Variants in CHUK observed in about 807,000 individuals in gnomAD.
CHUK encodes the protein component of inhibitor of nuclear factor kappa B kinase complex.
In CHUK, 35 loss-of-function variants were observed where a neutral mutation model predicts 104.8. The ratio of observed to expected loss-of-function variants is 0.33; its 90% CI spans 0.26 to 0.44. CHUK has a LOEUF of 0.44. CHUK is among the 20% of genes least tolerant of loss of function. The pLI is 1.00. For synonymous variants in CHUK, 276 were observed against 291.9 expected (o/e 0.95, Z 0.56); for missense variants, 663 against 902.7 (o/e 0.73, Z 3.40).
At position 100,193,826 on chromosome 10, in the gene CHUK, A is replaced by C. The variant is rs796845469; in HGVS notation, c.1974+158T>G. The C allele has an allele frequency of 5.8e-6, 4 of 684,940 alleles. No individual in the cohort carries two copies. In the African/African-American group the frequency reaches 7.1e-5, roughly 12 times the overall value. 42.4% of individuals were successfully genotyped at this position (684,940 alleles called of 1,614,324 possible). On this transcript the variant is annotated intron_variant, in intron 18 of 20. Coordinates refer to ENST00000370397, the MANE Select transcript of CHUK (RefSeq NM_001278.5). ...GAGATGATAATAAGTCCTGCATCTCAATTGCTAGTCTGGACACCAAGCAAG... is the reference window on the plus strand; with the variant it reads ...GAGATGATAATAAGTCCTGCATCTCCATTGCTAGTCTGGACACCAAGCAAG...
rs771061242 is a variant in CHUK, at chr10:100,200,741, A to G, written c.1609T>C (p.Leu537=). The G allele has an allele frequency of 1.2e-6, 2 of 1,608,666 alleles. No homozygotes were observed. The highest frequency in any genetic ancestry group is 4.5e-5 in the East Asian group (2 of 44,856). The part of the protein sequence containing the change: ...IGYLEDQIMS[L]HAEIMELQKS... ...TGTAGCTCCATGATTTCAGCATGCAAAGACATAATCTGATCCTCCAGGTAT... is the reference window on the plus strand; with the variant it reads ...TGTAGCTCCATGATTTCAGCATGCAGAGACATAATCTGATCCTCCAGGTAT... The change falls in exon 15 of 21, where the codon TTG becomes CTG. Residue 537 remains leucine (L), a synonymous_variant. Transcript: ENST00000370397.
chr10:100,202,047 C>T, intron 14 of CHUK, 41 bp downstream of exon 14: 2 of 1,412,874 alleles, frequency 1.4e-6, no homozygotes, highest in Non-Finnish European at 2.0e-6. Context: ...ATGGAGACAT[C>T]AAGAATTAAT....
At chr10:100,228,205 C>A (rs957449227) in intron 1 of CHUK, among the ~76,000 whole-genome samples, 1 of 152,108 alleles carries the variant, frequency 6.6e-6, no homozygotes, top group African/African-American at 2.4e-5. Context: ...CAAAACAAAG[C>A]CTATATTACA....
chr10:100,204,474 G>T, intron 13 of CHUK, 32 bp downstream of exon 13: 1 of 1,596,620 alleles, frequency 6.3e-7, no homozygotes. Context: ...GAAACCAGAT[G>T]CTCCTTTCAA....
intron 1 of CHUK, among the ~76,000 whole-genome samples, chr10:100,227,611 T>G (rs189092991): frequency 1.3e-5 from 2 of 152,082 alleles, no homozygotes; most frequent in African/African-American, 4.8e-5. Context: ...TTACTACTTA[T>G]CCTGCTATCA....
At chr10:100,217,443 A>C (rs756891361) in intron 9 of CHUK, among the ~76,000 whole-genome samples, 2 of 152,258 alleles carry the variant, frequency 1.3e-5, no homozygotes, top group African/African-American at 4.8e-5. Flanking sequence ...TGAATCGAGG[A>C]TAATGGCAAC....
intron 1 of CHUK, 59 bp from the exon 2 acceptor site, chr10:100,226,076 C>T: frequency 3.0e-6 from 3 of 996,378 alleles, no homozygotes; most frequent in African/African-American, 1.6e-5. Flanking sequence ...GATTTATTTG[C>T]TACCAAAGAA....
At chr10:100,228,921 C>A (rs1589602382) in intron 1 of CHUK, among the ~76,000 whole-genome samples, 1 of 151,740 alleles carries the variant, frequency 6.6e-6, no homozygotes, top group East Asian at 2.0e-4. Context: ...ACTCTGGACC[C>A]ATCATGAAGC....
chr10:100,207,709 A>G (rs1179662262), intron 10 of CHUK, among the ~76,000 whole-genome samples: 3 of 152,242 alleles, frequency 2.0e-5, no homozygotes, highest in African/African-American at 7.2e-5. Flanking sequence ...ATTTATATGG[A>G]ATGTTCAGAA....
downstream of CHUK, chr10:100,187,399 T>A (rs1440076288): frequency 1.3e-5 from 2 of 152,096 alleles, no homozygotes; most frequent in East Asian, 1.9e-4. Context: ...ACCTGTATCA[T>A]TCATTTGATT....
chr10:100,198,570 C>T (rs568918417), intron 16 of CHUK, among the ~76,000 whole-genome samples: 5 of 152,274 alleles, frequency 3.3e-5, no homozygotes, highest in African/African-American at 1.2e-4. Context: ...ATGCAAATAA[C>T]ATCTTATTAT....
At chr10:100,217,269 A>G (rs1845879336) in intron 9 of CHUK, among the ~76,000 whole-genome samples, 1 of 151,230 alleles carries the variant, frequency 6.6e-6, no homozygotes, top group Non-Finnish European at 1.5e-5. Flanking sequence ...AAAAAAAAAA[A>G]GAACTATGTT....
At chr10:100,214,990 T>G (rs1845818347) in intron 9 of CHUK, among the ~76,000 whole-genome samples, 1 of 152,038 alleles carries the variant, frequency 6.6e-6, no homozygotes, top group Non-Finnish European at 1.5e-5. Flanking sequence ...ATCCCAGCAC[T>G]TTGGAAGGCC....
At chr10:100,188,039 A>G (rs1845110650), downstream of CHUK, 1 of 152,210 alleles carries the variant, frequency 6.6e-6, no homozygotes, top group Non-Finnish European at 1.5e-5. Flanking sequence ...TAGATGACGA[A>G]CAGTGATATG....
At chr10:100,206,873 T>C (rs978135187) in intron 11 of CHUK, among the ~76,000 whole-genome samples, 1 of 152,180 alleles carries the variant, frequency 6.6e-6, no homozygotes, top group Non-Finnish European at 1.5e-5. Flanking sequence ...ATTAAAACAT[T>C]TGAACATCAA....
At chr10:100,224,198 G>C (rs1344084044) in intron 2 of CHUK, among the ~76,000 whole-genome samples, 1 of 152,090 alleles carries the variant, frequency 6.6e-6, no homozygotes, top group African/African-American at 2.4e-5. Flanking sequence ...CCCATGAAGA[G>C]GCCCACATGG....
intron 3 of CHUK, 143 bp from the exon 4 acceptor site, chr10:100,222,324 T>C: frequency 1.6e-6 from 1 of 629,222 alleles, no homozygotes; most frequent in Non-Finnish European, 2.8e-6. Flanking sequence ...AATTACCAAA[T>C]CCATACTGAG....
chr10:100,210,297 C>T (rs1464270639), intron 9 of CHUK, among the ~76,000 whole-genome samples: 1 of 151,420 alleles, frequency 6.6e-6, no homozygotes, highest in Non-Finnish European at 1.5e-5. Flanking sequence ...CCGTTTTAGC[C>T]GGGATGGTCT....
chr10:100,207,610 G>A (rs770967005), intron 10 of CHUK, among the ~76,000 whole-genome samples: 9 of 152,138 alleles, frequency 5.9e-5, no homozygotes, highest in Non-Finnish European at 1.0e-4. Context: ...AACGAATGAA[G>A]TACTGATACA....
Sources: gnomAD v4.1 joint callset for allele counts (sites outside exome capture counted in the v4.1 genomes callset) on GRCh38, gnomAD v4.1.1 for gene constraint, MANE v1.5 for transcripts, NCBI Gene and HGNC (gene_info 2026-07-23, HGNC 2026-07-21) for gene names.